THRB: variants seen among roughly 807,000 people sequenced by gnomAD.
THRB encodes the protein nuclear receptor subfamily 1 group A member 2.
In THRB, 12 loss-of-function variants were observed where a neutral mutation model predicts 47.8. The observed-to-expected ratio is 0.25, with a 90% CI of 0.16 to 0.41. THRB has a LOEUF of 0.41. Among genes scored for constraint, THRB ranks in the 10% least tolerant of loss-of-function variants. The pLI, the probability that THRB is intolerant of heterozygous loss-of-function variation, is 1.00. For missense variants in THRB, 348 were observed against 589.2 expected (o/e 0.59, Z 4.24); for synonymous variants, 218 against 212.2 (o/e 1.03, Z -0.24).
chr3:24,438,038 T>C (rs530759988), intron 1 of THRB, among the ~76,000 whole-genome samples: 9 of 151,998 alleles, frequency 5.9e-5, no homozygotes, highest in Non-Finnish European at 8.8e-5. Context: ...TCAGATGCAC[T>C]ATCTCATTTG....
intron 3 of THRB, among the ~76,000 whole-genome samples, chr3:24,232,037 A>G (rs7625917): frequency 0.063 from 9,642 of 152,242 alleles, 559 homozygotes; most frequent in African/African-American, 0.15. Flanking sequence ...TCATTAAAAC[A>G]TGCCCTGTTT....
At chr3:24,301,211 C>T (rs189990593) in intron 2 of THRB, among the ~76,000 whole-genome samples, 52 of 152,288 alleles carry the variant, frequency 3.4e-4, no homozygotes, top group Middle Eastern at 6.8e-3. Context: ...ACTTCTTCTC[C>T]CCAGAACTGT....
intron 1 of THRB, among the ~76,000 whole-genome samples, chr3:24,483,421 C>G (rs1190711114): frequency 6.6e-6 from 1 of 151,668 alleles, no homozygotes; most frequent in African/African-American, 2.4e-5. Flanking sequence ...AAAATGGGTT[C>G]AGTACCTCTG....
At chr3:24,193,388 T>G (rs1440306870) in intron 4 of THRB, among the ~76,000 whole-genome samples, 1 of 152,180 alleles carries the variant, frequency 6.6e-6, no homozygotes, top group African/African-American at 2.4e-5. Context: ...CTCCAGGTGA[T>G]TCTGATACCC....
intron 1 of THRB, chr3:24,458,207 G>C (rs2073365882): frequency 6.6e-6 from 1 of 152,122 alleles, no homozygotes; most frequent in South Asian, 2.1e-4. Flanking sequence ...AATTATCTCA[G>C]CATCATTTCT....
At chr3:24,355,871 T>A (rs2063642489) in intron 1 of THRB, among the ~76,000 whole-genome samples, 1 of 152,188 alleles carries the variant, frequency 6.6e-6, no homozygotes, top group African/African-American at 2.4e-5. Flanking sequence ...TCCTACAAAT[T>A]AGCTATATGA....
chr3:24,440,792 T>C (rs1389914165), intron 1 of THRB, among the ~76,000 whole-genome samples: 1 of 152,196 alleles, frequency 6.6e-6, no homozygotes, highest in East Asian at 1.9e-4. Context: ...ATACAAATTG[T>C]ACTGAGGGAA....
At chr3:24,445,797 C>G (rs1241626916) in intron 1 of THRB, among the ~76,000 whole-genome samples, 2 of 152,018 alleles carry the variant, frequency 1.3e-5, no homozygotes, top group African/African-American at 4.8e-5. Context: ...AGATGTAATG[C>G]AAAACTATTC....
At chr3:24,255,230 T>C (rs1175686868) in intron 3 of THRB, among the ~76,000 whole-genome samples, 1 of 152,238 alleles carries the variant, frequency 6.6e-6, no homozygotes, top group Non-Finnish European at 1.5e-5. Flanking sequence ...TATCCATGTA[T>C]CTACTCTTCC....
chr3:24,234,972 C>T (rs1421632981), intron 3 of THRB, among the ~76,000 whole-genome samples: 1 of 152,108 alleles, frequency 6.6e-6, no homozygotes, highest in Non-Finnish European at 1.5e-5. Context: ...AAATGGGGAG[C>T]CACGGAAGGT....
intron 1 of THRB, among the ~76,000 whole-genome samples, chr3:24,461,735 T>C (rs775510163): frequency 1.3e-3 from 204 of 152,308 alleles, no homozygotes; most frequent in South Asian, 1.2e-3. Flanking sequence ...AAAATGACTA[T>C]GATGTCTATA....
chr3:24,393,227 G>C (rs1027520451), intron 1 of THRB, among the ~76,000 whole-genome samples: 5 of 152,148 alleles, frequency 3.3e-5, no homozygotes, highest in African/African-American at 9.6e-5. Flanking sequence ...GCCCATGAAA[G>C]AGAAGATCAG....
intron 5 of THRB, among the ~76,000 whole-genome samples, chr3:24,179,590 G>A (rs981397380): frequency 6.6e-6 from 1 of 152,158 alleles, no homozygotes; most frequent in African/African-American, 2.4e-5. Flanking sequence ...TGCCTGAGGA[G>A]CTCTTCCAAG....
intron 1 of THRB, among the ~76,000 whole-genome samples, chr3:24,373,925 C>T (rs899286393): frequency 1.3e-5 from 2 of 152,208 alleles, no homozygotes; most frequent in African/African-American, 4.8e-5. Context: ...TTCTGTACCT[C>T]GCTTCCAATT....
At chr3:24,475,035 T>C (rs544085204) in intron 1 of THRB, among the ~76,000 whole-genome samples, 70 of 152,218 alleles carry the variant, frequency 4.6e-4, no homozygotes, top group Non-Finnish European at 8.1e-4. Flanking sequence ...CTATACCTCA[T>C]GTTCTAAAAA....
At chr3:24,177,263 C>G (rs2041281958) in intron 5 of THRB, among the ~76,000 whole-genome samples, 2 of 152,138 alleles carry the variant, frequency 1.3e-5, no homozygotes, top group African/African-American at 4.8e-5. Context: ...CTTCATTATT[C>G]TTTCCTAAGA....
At chr3:24,215,626 T>G (rs950984828) in intron 4 of THRB, among the ~76,000 whole-genome samples, 1 of 152,206 alleles carries the variant, frequency 6.6e-6, no homozygotes, top group Non-Finnish European at 1.5e-5. Context: ...TAGGCATTTG[T>G]ATAGCCCTTT....
chr3:24,355,748 G>A (rs1250893933), intron 1 of THRB, among the ~76,000 whole-genome samples: 1 of 152,128 alleles, frequency 6.6e-6, no homozygotes, highest in Non-Finnish European at 1.5e-5. Flanking sequence ...CAGAAAGGGT[G>A]TACACAAGGT....
rs115978694 is a variant in THRB at position 24,304,657 on chromosome 3, T to C, written c.-188-7286A>G. ...CAAAAATGTAAACCTAAATAAAGTA[T>C]GAAGAAGGAATTAATAAAGATAGAT... On this transcript the variant is annotated intron_variant, in intron 2 of 10. Coordinates refer to ENST00000646209, the MANE Select transcript of THRB (RefSeq NM_001354712.2). Among the ~76,000 whole-genome samples, 821 of 151,832 alleles carry C rather than the reference T, an allele frequency of 5.4e-3. 5 individuals are homozygous for C. Among genetic ancestry groups the C allele is most frequent in the African/African-American group, 0.019 (774 of 41,406 alleles).
Sources: gnomAD v4.1 joint callset for allele counts (sites outside exome capture counted in the v4.1 genomes callset) on GRCh38, gnomAD v4.1.1 for gene constraint, MANE v1.5 for transcripts, NCBI Gene and HGNC (gene_info 2026-07-23, HGNC 2026-07-21) for gene names.